Variants in SMG7 observed in about 807,000 individuals in gnomAD.
SMG7 encodes the protein nonsense-mediated mRNA decay factor SMG7.
A neutral mutation model predicts 148.2 loss-of-function variants in SMG7; 34 were observed. The ratio of observed to expected loss-of-function variants is 0.23; its 90% CI spans 0.17 to 0.31. SMG7 has a LOEUF of 0.31. SMG7 is among the 10% of genes least tolerant of loss of function. SMG7 has a pLI of 1.00. For synonymous variants in SMG7, 492 were observed against 515.1 expected, an observed-to-expected ratio of 0.96 and a Z score of 0.61; for missense variants, 1,114 against 1,408.4, an observed-to-expected ratio of 0.79 and a Z score of 3.35.
At chr1:183,506,644 T>A (rs1370931773) in intron 1 of SMG7, among the ~76,000 whole-genome samples, 3 of 147,918 alleles carry the variant, frequency 2.0e-5, no homozygotes, top group African/African-American at 7.5e-5. Context: ...GGCTTTTGGT[T>A]AAATTTCTTA....
At position 183,546,147 on chromosome 1, in the gene SMG7, C is replaced by A. The variant is rs114197007; in HGVS notation, c.2552C>A (p.Pro851His). Reference sequence around the variant, plus strand: ...CAGCCTCTAGAAAAAAAAATGAAGCCTTTTCCCATGGAGCCATATAACCAT... The same window carrying A: ...CAGCCTCTAGAAAAAAAAATGAAGCATTTTCCCATGGAGCCATATAACCAT... The part of the protein sequence containing the change: ...QQQPLEKKMK[P>H]FPMEPYNHNP... The change falls in exon 17 of 23, where the codon CCT becomes CAT. Residue 851 changes from proline to histidine, a missense_variant. Pro to His is a moderately conservative substitution (Grantham distance 77). Transcript: ENST00000688051. The A allele has an allele frequency of 5.0e-6, 8 of 1,614,028 alleles. No homozygotes were observed. Among genetic ancestry groups the A allele is most frequent in the Non-Finnish European group, 5.9e-6 (7 of 1,179,974 alleles).
At chr1:183,507,640 A>G (rs1230506157) in intron 1 of SMG7, among the ~76,000 whole-genome samples, 1 of 152,208 alleles carries the variant, frequency 6.6e-6, no homozygotes, top group East Asian at 1.9e-4. Context: ...CGCTACATAT[A>G]GTGTTAGCTG....
Position 183,552,528 on chromosome 1 carries a change from G to A in SMG7, c.*597G>A, listed in dbSNP as rs932852207. 3 of 999,504 alleles carry A rather than the reference G, an allele frequency of 3.0e-6. No individual in the cohort carries two copies. Among genetic ancestry groups the A allele is most frequent in the East Asian group, 2.1e-4 (2 of 9,526 alleles). 61.9% of individuals were successfully genotyped at this position (999,504 alleles called of 1,614,324 possible). On this transcript the variant is annotated 3_prime_UTR_variant, in exon 23 of 23. Transcript: ENST00000688051. ...GTTGGTGGTGACAGGATGGGGAACC[G>A]ACCTCTTCAGCCAGTGGAAATGTTC...
In SMG7 at chr1:183,553,406, G is replaced by T. The variant is rs138257997; in HGVS notation, c.*1475G>T. 2.8e-4 allele frequency: 160 copies of T among 571,232 alleles called. 2 individuals carry two copies. In the East Asian group the frequency reaches 5.0e-3, roughly 18 times the overall value. The allele number at this position is 571,232 out of a possible 1,614,324, so 35.4% of individuals were successfully genotyped here. A position where few individuals can be genotyped will look rare whatever the true frequency, so the allele number is the denominator to read the frequency against. On this transcript the variant is annotated 3_prime_UTR_variant, in exon 23 of 23. Coordinates refer to ENST00000688051, the MANE Select transcript of SMG7 (RefSeq NM_001375584.1). The stretch of plus-strand genomic sequence containing the variant: ...CTCCTTTGTGTGTCTGTATGTTTGT[G>T]TACACACACGTGCCCATCTGCTGTC...
intron 1 of SMG7, among the ~76,000 whole-genome samples, chr1:183,488,257 G>C (rs1321305082): frequency 1.3e-5 from 2 of 152,150 alleles, no homozygotes; most frequent in Non-Finnish European, 2.9e-5. Flanking sequence ...CACTCCAGAA[G>C]GTTATCAGTT....
Position 183,553,909 on chromosome 1 carries a change from C to T in SMG7, c.*1978C>T, listed in dbSNP as rs1482353925. 1 of 152,632 alleles carries T rather than the reference C, an allele frequency of 6.6e-6. No homozygotes were observed. The highest frequency in any genetic ancestry group is 1.5e-5 in the Non-Finnish European group (1 of 68,076). The allele number at this position is 152,632 out of a possible 1,614,324, so 9.5% of individuals were successfully genotyped here. A position where few individuals can be genotyped will look rare whatever the true frequency, so the allele number is the denominator to read the frequency against. ...CAAGCTAACCAGGTTTACCATCTCA[C>T]TCCCAGTAATACCCAGCTCCTATCT... On this transcript the variant is annotated 3_prime_UTR_variant, in exon 23 of 23. Transcript: ENST00000688051.
At chr1:183,539,350 A>T (rs1200947983) in intron 12 of SMG7, among the ~76,000 whole-genome samples, 1 of 152,050 alleles carries the variant, frequency 6.6e-6, no homozygotes, top group Non-Finnish European at 1.5e-5. Context: ...TAGCTCTGTG[A>T]TGCAATTTTT....
chr1:183,501,626 C>T (rs1485076983), intron 1 of SMG7, among the ~76,000 whole-genome samples: 1 of 152,138 alleles, frequency 6.6e-6, no homozygotes, highest in Non-Finnish European at 1.5e-5. Flanking sequence ...CTCCCAAAGC[C>T]ATGCTTTTAA....
At chr1:183,505,551 A>G (rs1025072670) in intron 1 of SMG7, among the ~76,000 whole-genome samples, 1 of 151,774 alleles carries the variant, frequency 6.6e-6, no homozygotes, top group African/African-American at 2.4e-5. Context: ...CCATCAATGT[A>G]CTGATCACGT....
chr1:183,512,740 T>C, intron 1 of SMG7, 97 bp from the exon 2 acceptor site: 1 of 1,142,322 alleles, frequency 8.8e-7, no homozygotes, highest in Non-Finnish European at 1.3e-6. Flanking sequence ...TATCGTAGTA[T>C]ATGATTTCAC....
chr1:183,532,442 G>A (rs957008173), intron 8 of SMG7, among the ~76,000 whole-genome samples: 3 of 152,172 alleles, frequency 2.0e-5, no homozygotes, highest in Admixed American at 6.6e-5. Context: ...GACACCAACT[G>A]AGAGCATCTG....
intron 3 of SMG7, 132 bp from the exon 4 acceptor site, chr1:183,517,551 TAAATG>T (rs1264507312): frequency 1.2e-6 from 1 of 838,546 alleles, no homozygotes; most frequent in Non-Finnish European, 2.0e-6. Context: ...GTTATTTAAA[TAAATG>T]AATAACTTTA....
At position 183,542,149 on chromosome 1, in the gene SMG7, C is replaced by T; in HGVS notation, c.1489C>T (p.Pro497Ser). ...AATCCCAGAATTAATACTGGAAGAC[C>T]CCAGTGAAGCCAAAGAGAACCTCAT... Reference protein sequence around the residue: ...TEIPELILEDPSEAKENLILQ... With the variant: ...TEIPELILEDSSEAKENLILQ... The change falls in exon 14 of 23, where the codon CCC becomes TCC. Residue 497 changes from proline (P) to serine (S), a missense_variant. By Grantham distance (74) the Pro-to-Ser change is moderately conservative (BLOSUM62 -1). Transcript: ENST00000688051. 6.2e-7 allele frequency: 1 copy of T among 1,613,644 alleles called. No individual in the cohort carries two copies. Among genetic ancestry groups the T allele is most frequent in the Non-Finnish European group, 8.5e-7 (1 of 1,179,756 alleles).
chr1:183,542,378 A>G lies in SMG7; in HGVS notation c.1718A>G (p.Tyr573Cys). 3.1e-6 allele frequency: 5 copies of G among 1,614,092 alleles called. No individual in the cohort carries two copies. The highest frequency in any genetic ancestry group is 4.2e-6 in the Non-Finnish European group (5 of 1,179,940). The stretch of plus-strand genomic sequence containing the variant: ...CCTCCCAAAGAGGTGAGAAGGGACT[A>G]TAGCAAAGGAATAACTGTAACTAAG... ...SFPPKEVRRD[Y>C]SKGITVTKND... The change falls in exon 14 of 23, where the codon TAT becomes TGT. Residue 573 changes from tyrosine to cysteine, a missense_variant. Transcript: ENST00000688051.
At chr1:183,511,126 GTCTC>G (rs1192714613) in intron 1 of SMG7, among the ~76,000 whole-genome samples, 4 of 150,946 alleles carry the variant, frequency 2.6e-5, no homozygotes, top group East Asian at 1.9e-4. Context: ...GCAAGGCCCA[GTCTC>G]TCTCTCTCAA....
At chr1:183,526,800 G>A (rs762917612) in intron 5 of SMG7, 33 bp downstream of exon 5, 4 of 1,562,760 alleles carry the variant, frequency 2.6e-6, no homozygotes, top group East Asian at 2.3e-5. Context: ...TTGATAATAT[G>A]TTCCTCCTTT....
rs1424502522 is a variant in SMG7 at position 183,503,581 on chromosome 1, T to C, written c.30-9256T>C. 2.0e-5 allele frequency among the ~76,000 whole-genome samples: 3 copies of C among 152,174 alleles called. No individual in the cohort carries two copies. The East Asian group carries it at 5.8e-4, about 29-fold the overall frequency. On this transcript the variant is annotated intron_variant, in intron 1 of 22. Transcript: ENST00000688051. Reference sequence around the variant, plus strand: ...GACATAGGGTTTTTTACTACAACTTTGAAATGTCTTTTTCAACCCAATGTG... The same window carrying C: ...GACATAGGGTTTTTTACTACAACTTCGAAATGTCTTTTTCAACCCAATGTG...
At chr1:183,549,323 T>C in intron 19 of SMG7, 35 bp downstream of exon 19, 2 of 1,427,422 alleles carry the variant, frequency 1.4e-6, no homozygotes, top group South Asian at 1.1e-5. Flanking sequence ...CTGTGTGCTT[T>C]TAGTGTAGAC....
At chr1:183,547,988 T>TC (rs746487169) in intron 18 of SMG7, among the ~76,000 whole-genome samples, 5 of 152,226 alleles carry the variant, frequency 3.3e-5, no homozygotes, top group Admixed American at 1.3e-4. Context: ...TGAGGCTTTT[T>TC]CCCCTCTCTT....
Sources: allele counts gnomAD v4.1 joint callset (sites outside exome capture counted in the v4.1 genomes callset), GRCh38; gene constraint gnomAD v4.1.1; transcripts MANE v1.5; gene names NCBI Gene and HGNC (gene_info 2026-07-23, HGNC 2026-07-21).